Variants in ITPR3 observed in about 807,000 individuals in gnomAD.
ITPR3 encodes the protein inositol 1,4,5-trisphosphate receptor type 3, also known as inositol 1,4,5-trisphosphate-gated calcium channel ITPR3.
ITPR3 carries 173 observed loss-of-function variants against 293.2 expected under a neutral mutation model. The ratio of observed to expected loss-of-function variants is 0.59; its 90% confidence interval spans 0.52 to 0.67. The LOEUF (loss-of-function observed/expected upper bound fraction) is 0.67, where lower values mean the gene tolerates loss of function less well. ITPR3 is among the 30% of genes least tolerant of loss of function. The pLI is 0.00. For synonymous variants in ITPR3, 1,295 were observed against 1,444.4 expected (o/e 0.90, Z 2.35); for missense variants, 2,796 against 3,592.1 (o/e 0.78, Z 5.66).
In ITPR3 at chr6:33,685,775, C is replaced by A; in HGVS notation, c.5615C>A (p.Pro1872His). The A allele has an allele frequency of 6.3e-7, 1 of 1,594,760 alleles. No individual in the cohort carries two copies. Among genetic ancestry groups the A allele is most frequent in the Non-Finnish European group, 8.6e-7 (1 of 1,167,868 alleles). The part of the protein sequence containing the change: ...EMGTSVLIMQ[P>H]ILRFLQLLCE... Reference sequence around the variant, plus strand: ...GGCACATCCGTGCTCATCATGCAGCCCATCCTGCGCTTTCTGCAGCTGCTG... The same window carrying A: ...GGCACATCCGTGCTCATCATGCAGCACATCCTGCGCTTTCTGCAGCTGCTG... Residue 1872 changes from proline (P) to histidine (H), a missense_variant, in exon 41 of 58, where the codon CCC becomes CAC. Coordinates refer to ENST00000605930, the MANE Select transcript of ITPR3 (RefSeq NM_002224.4).
chr6:33,687,584 C>G lies in ITPR3; in HGVS notation c.6264+20C>G. 12 of 1,215,390 alleles carry G rather than the reference C, an allele frequency of 9.9e-6. No homozygotes were observed. The highest frequency in any genetic ancestry group is 1.4e-5 in the Non-Finnish European group (12 of 835,272). 75.3% of individuals were successfully genotyped at this position (1,215,390 alleles called of 1,614,324 possible). ...TCCATGGTGGGTGCTGGCCCCGAGA[C>G]TGGGGTGGGGGTGGGGCCTGGAACC... On this transcript the variant is annotated intron_variant, in intron 46 of 57. Coordinates refer to ENST00000605930, the MANE Select transcript of ITPR3 (RefSeq NM_002224.4). This position sits in a 1 kb window ranked among gnomAD's most constrained non-coding sequence, Gnocchi z 5.3.
chr6:33,685,295 C>G lies in ITPR3; in HGVS notation c.5308-64C>G, dbSNP rs972753936. 3.4e-6 allele frequency: 5 copies of G among 1,481,858 alleles called. No individual in the cohort carries two copies. In the Admixed American group the frequency reaches 7.0e-5, roughly 21 times the overall value. The allele number at this position is 1,481,858 out of a possible 1,614,324, so 91.8% of individuals were successfully genotyped here. The stretch of plus-strand genomic sequence containing the variant: ...GCCCCAGCAGTGTGGTGTGCCTGCC[C>G]CACGCCCTGAGTAGGAGCAGGGCCC... On this transcript the variant is annotated intron_variant, in intron 39 of 57. Transcript: ENST00000605930.
rs891697936 is a variant in ITPR3 at position 33,677,696 on chromosome 6, T to C, written c.3648+67T>C. The C allele has an allele frequency of 1.3e-5, 20 of 1,570,016 alleles. No homozygotes were observed. In the African/African-American group the frequency reaches 2.6e-4, roughly 20 times the overall value. ...CCCCTGAACCCCGGCCTGACCTGTA[T>C]GCTAGGCCCTAATGCAGGCAACCTC... On this transcript the variant is annotated intron_variant, in intron 28 of 57. Transcript: ENST00000605930.
rs966693877 is a variant in ITPR3 at position 33,666,281 on chromosome 6, C to T, written c.1551+305C>T. 6.9e-6 allele frequency among the ~76,000 whole-genome samples: 1 copy of T among 144,556 alleles called. No homozygotes were observed. The highest frequency in any genetic ancestry group is 1.5e-5 in the Non-Finnish European group (1 of 66,102). The allele number at this position is 144,556 out of a possible 152,430, so 94.8% of individuals were successfully genotyped here. On this transcript the variant is annotated intron_variant, in intron 14 of 57. Transcript: ENST00000605930. The surrounding 1 kb of genome is among the most constrained non-coding windows in gnomAD (Gnocchi z 5.1). Reference sequence around the variant, plus strand: ...TGAGCTTGTGATGTTGGGTCCAGAGCTGTGCTTCAAAAAATTTTTTTAAAA... The same window carrying T: ...TGAGCTTGTGATGTTGGGTCCAGAGTTGTGCTTCAAAAAATTTTTTTAAAA...
At chr6:33,641,237 T>C (rs1410034415) in intron 2 of ITPR3, among the ~76,000 whole-genome samples, 2 of 152,178 alleles carry the variant, frequency 1.3e-5, no homozygotes, top group African/African-American at 4.8e-5. Flanking sequence ...GGTGCTATTG[T>C]TGTGCTTACC....
At chr6:33,648,753 G>T (rs972431400) in intron 2 of ITPR3, among the ~76,000 whole-genome samples, 4 of 151,848 alleles carry the variant, frequency 2.6e-5, no homozygotes, top group Non-Finnish European at 5.9e-5. Context: ...CAACAGACCC[G>T]GCTAGTTTTT....
Position 33,689,275 on chromosome 6 carries a change from G to T in ITPR3, c.6732G>T (p.Trp2244Cys), listed in dbSNP as rs569109913. 3 of 1,611,598 alleles carry T rather than the reference G, an allele frequency of 1.9e-6. No homozygotes were observed. The highest frequency in any genetic ancestry group is 2.5e-6 in the Non-Finnish European group (3 of 1,180,026). The stretch of plus-strand genomic sequence containing the variant: ...CCCCTCTCATCTCATTGCTCTTCTG[G>T]ATCCTCATCTGCTTCTCCATCGCGG... ...LDSPLISLLF[W>C]ILICFSIAAL... Residue 2244 changes from tryptophan to cysteine, a missense_variant, in exon 50 of 58, where the codon TGG becomes TGT. By Grantham distance (215) the Trp-to-Cys change is radical (BLOSUM62 -2). Around this residue, in one of 8 missense-constraint regions of ITPR3, gnomAD observed 568 missense variants for 796.1 expected, o/e 0.71. Transcript: ENST00000605930.
Position 33,675,842 on chromosome 6 carries a change from C to T in ITPR3, c.3268C>T (p.His1090Tyr), listed in dbSNP as rs769953792. 6 of 1,570,968 alleles carry T rather than the reference C, an allele frequency of 3.8e-6. No homozygotes were observed. The highest frequency in any genetic ancestry group is 3.7e-5 in the Admixed American group (2 of 53,642). ...CTTCAGCCAGCGCCAGGAGGCCATG[C>T]ACACCTTCAAGCAGGTGACGGGACT... ...KHFSQRQEAM[H>Y]TFKQVQLLIS... The change falls in exon 25 of 58, where the codon CAC becomes TAC. Residue 1090 changes from histidine (H) to tyrosine (Y), a missense_variant. Transcript: ENST00000605930. This position sits in a 1 kb window ranked among gnomAD's most constrained non-coding sequence, Gnocchi z 5.0.
intron 1 of ITPR3, among the ~76,000 whole-genome samples, chr6:33,625,245 T>C (rs1003097980): frequency 3.9e-4 from 60 of 152,128 alleles, no homozygotes; most frequent in Admixed American, 5.9e-4. Flanking sequence ...TTTTTTTTTT[T>C]TGAGACAGAG....
In ITPR3 at chr6:33,676,794, C is replaced by T. The variant is rs371286972; in HGVS notation, c.3309C>T (p.Asp1103=). The change falls in exon 26 of 58, where the codon GAC becomes GAT. Residue 1103 remains aspartate (D), a synonymous_variant. Transcript: ENST00000605930. Reference sequence around the variant, plus strand: ...TTCAGCTGCTGATCTCAGCGCAGGACGTGGAGAACTACAAGGTGATCAAGT... The same window carrying T: ...TTCAGCTGCTGATCTCAGCGCAGGATGTGGAGAACTACAAGGTGATCAAGT... ...KQVQLLISAQ[D]VENYKVIKSE... is the part of the protein sequence containing the mutation. 2.1e-5 allele frequency: 34 copies of T among 1,614,072 alleles called. No individual in the cohort carries two copies. In the African/African-American group the frequency reaches 2.7e-4, roughly 13 times the overall value.
rs201790373 is a variant in ITPR3, at chr6:33,674,294, T to G, written c.3116+29T>G. 7 of 1,611,336 alleles carry G rather than the reference T, an allele frequency of 4.3e-6. No individual in the cohort carries two copies. The Admixed American group carries it at 6.7e-5, about 15-fold the overall frequency. ...AGGCCAGGGTTGAGCTGCAGGGGTG[T>G]GTGGGGTTGGGAGGCTCGACACCCC... On this transcript the variant is annotated intron_variant, in intron 24 of 57. Transcript: ENST00000605930.
rs577876208 is a variant in ITPR3 at position 33,675,153 on chromosome 6, C to T, written c.3117-538C>T. Reference sequence around the variant, plus strand: ...GTCCTTGTTTCTGGCTAGGTGTGGTCGCTCATGCTTGTAATCCCAGCACTT... The same window carrying T: ...GTCCTTGTTTCTGGCTAGGTGTGGTTGCTCATGCTTGTAATCCCAGCACTT... On this transcript the variant is annotated intron_variant, in intron 24 of 57. Transcript: ENST00000605930. This position sits in a 1 kb window ranked among gnomAD's most constrained non-coding sequence, Gnocchi z 5.0. 2.6e-5 allele frequency among the ~76,000 whole-genome samples: 4 copies of T among 152,194 alleles called. No individual in the cohort carries two copies. The highest frequency in any genetic ancestry group is 5.9e-5 in the Non-Finnish European group (4 of 67,992).
chr6:33,668,586 G>A lies in ITPR3; in HGVS notation c.1958G>A (p.Cys653Tyr), dbSNP rs1764675224. The A allele has an allele frequency of 1.2e-6, 2 of 1,614,080 alleles. No homozygotes were observed. The highest frequency in any genetic ancestry group is 2.2e-5 in the South Asian group (2 of 91,086). ...ATCCCCGTCACCCAAGAGCTCATCT[G>A]CAAGTGTGTGCTGGACCCCAAGAAC... ...IAIPVTQELI[C>Y]KCVLDPKNSD... Residue 653 changes from cysteine (C) to tyrosine (Y), a missense_variant, in exon 17 of 58, where the codon TGC becomes TAC. Coordinates refer to ENST00000605930, the MANE Select transcript of ITPR3 (RefSeq NM_002224.4).
Position 33,691,755 on chromosome 6 carries a change from T to A in ITPR3, c.7330+36T>A. ...TGTGTGTGCAGGAGTCTGTGTGGGG[T>A]AGGAGGAGCAGGCAGCCCGGGCCTC... is the stretch of plus-strand genomic sequence containing the variant. On this transcript the variant is annotated intron_variant, in intron 53 of 57. Coordinates refer to ENST00000605930, the MANE Select transcript of ITPR3 (RefSeq NM_002224.4). This position sits in a 1 kb window ranked among gnomAD's most constrained non-coding sequence, Gnocchi z 4.9. 1 of 1,608,786 alleles carries A rather than the reference T, an allele frequency of 6.2e-7. No homozygotes were observed. Among genetic ancestry groups the A allele is most frequent in the Admixed American group, 1.7e-5 (1 of 59,028 alleles).
rs747686553 is a variant in ITPR3 at position 33,691,912 on chromosome 6, G to A, written c.7442G>A (p.Arg2481His). 4 of 1,613,880 alleles carry A rather than the reference G, an allele frequency of 2.5e-6. No homozygotes were observed. The highest frequency in any genetic ancestry group is 2.2e-5 in the East Asian group (1 of 44,896). ...GGTGGTGGCGTGGGCGACATTCTCC[G>A]CAAGCCCTCCAAAGATGTGAGCACT... ...RNGGGVGDIL[R>H]KPSKDESLFP... Residue 2481 changes from arginine (R) to histidine (H), a missense_variant, in exon 54 of 58, where the codon CGC becomes CAC. By Grantham distance (29) the Arg-to-His change is conservative. Around this residue, in one of 8 missense-constraint regions of ITPR3, gnomAD observed 568 missense variants for 796.1 expected, o/e 0.71. Transcript: ENST00000605930. The surrounding 1 kb of genome is among the most constrained non-coding windows in gnomAD (Gnocchi z 4.9).
chr6:33,684,845 G>T lies in ITPR3; in HGVS notation c.5209G>T (p.Val1737Leu). Residue 1737 changes from valine (V) to leucine (L), a missense_variant, in exon 39 of 58, where the codon GTA (valine) becomes TTA (leucine). Physicochemically the swap from Val to Leu is conservative, Grantham distance 32. Around this residue, in one of 8 missense-constraint regions of ITPR3, gnomAD observed 704 missense variants for 797.5 expected, o/e 0.88. Transcript: ENST00000605930. The surrounding 1 kb of genome is among the most constrained non-coding windows in gnomAD (Gnocchi z 4.2). ...RLDKEGATKL[V>L]CDLITSTKNE... ...GGACAAGGAGGGGGCCACCAAGTTG[G>T]TATGCGACCTCATCACCAGCACCAA... 6.2e-7 allele frequency: 1 copy of T among 1,614,092 alleles called. No individual in the cohort carries two copies.
chr6:33,695,294 A>G, intron 57 of ITPR3: 5 of 607,310 alleles, frequency 8.2e-6, no homozygotes, highest in Non-Finnish European at 1.4e-5. Flanking sequence ...GACAAGGCCA[A>G]GTGGAAACTT....
In ITPR3 at chr6:33,633,355, G is replaced by A. The variant is rs9469532; in HGVS notation, c.90-7129G>A. Among the ~76,000 whole-genome samples, 61,900 of 152,060 alleles carry A rather than the reference G, an allele frequency of 0.41. 13,226 individuals carry two copies. The highest frequency in any genetic ancestry group is 0.52 in the African/African-American group (21,751 of 41,478). The stretch of plus-strand genomic sequence containing the variant: ...GGCGAGAGGGGGGTGAAGCGAAGCG[G>A]CCACTTACCCCTGTAGAGCGCGGCT... On this transcript the variant is annotated intron_variant, in intron 1 of 57. Transcript: ENST00000605930. This position sits in a 1 kb window ranked among gnomAD's most constrained non-coding sequence, Gnocchi z 5.2.
Position 33,670,433 on chromosome 6 carries a change from C to G in ITPR3, c.2298C>G (p.Asp766Glu). 1 of 1,614,124 alleles carries G rather than the reference C, an allele frequency of 6.2e-7. No homozygotes were observed. Among genetic ancestry groups the G allele is most frequent in the Non-Finnish European group, 8.5e-7 (1 of 1,180,042 alleles). ...GVDLIFLCMADEMLPFDLRAS... is the reference protein window; with the variant it reads ...GVDLIFLCMAEEMLPFDLRAS... Reference sequence around the variant, plus strand: ...ACCTGATTTTCCTGTGCATGGCAGACGAGATGCTGCCCTTTGACCTGCGCG... The same window carrying G: ...ACCTGATTTTCCTGTGCATGGCAGAGGAGATGCTGCCCTTTGACCTGCGCG... The change falls in exon 19 of 58, where the codon GAC (aspartate) becomes GAG (glutamate). Residue 766 changes from aspartate to glutamate, a missense_variant. Physicochemically the swap from Asp to Glu is conservative, Grantham distance 45. Transcript: ENST00000605930. The surrounding 1 kb of genome is among the most constrained non-coding windows in gnomAD (Gnocchi z 6.7).
Sources: gnomAD v4.1 joint callset for allele counts (sites outside exome capture counted in the v4.1 genomes callset) on GRCh38, gnomAD v4.1.1 for gene constraint, gnomAD v4.1.1 regional missense constraint, Gnocchi (gnomAD v3.1) non-coding constraint, MANE v1.5 for transcripts, NCBI Gene and HGNC (gene_info 2026-07-23, HGNC 2026-07-21) for gene names.